The following GRM8 variants were observed in gnomAD, a reference collection of about 807,000 sequenced individuals.
GRM8 encodes metabotropic glutamate receptor 8.
GRM8 carries 47 observed loss-of-function variants against 87.2 expected under a neutral mutation model. The ratio of observed to expected loss-of-function variants is 0.54; its 90% CI spans 0.43 to 0.69. The LOEUF (loss-of-function observed/expected upper bound fraction) is 0.69. GRM8 is among the 30% of genes least tolerant of loss of function. The probability of loss-of-function intolerance (pLI) is 0.00; values close to 1 mark genes in which losing one functional copy is unlikely to be tolerated. For synonymous variants in GRM8, 396 were observed against 404.5 expected, an observed-to-expected ratio of 0.98 and a Z score of 0.25; for missense variants, 1,019 against 1,139.2, an observed-to-expected ratio of 0.89 and a Z score of 1.52.
chr7:126,458,041 T>C (rs1178748094), intron 9 of GRM8, among the ~76,000 whole-genome samples: 1 of 148,892 alleles, frequency 6.7e-6, no homozygotes, highest in East Asian at 2.0e-4. Flanking sequence ...AAATAAAGTG[T>C]ATGTTTAAAG....
chr7:126,921,518 G>A (rs543324278), intron 3 of GRM8, among the ~76,000 whole-genome samples: 1 of 152,006 alleles, frequency 6.6e-6, no homozygotes, highest in Non-Finnish European at 1.5e-5. Flanking sequence ...AAAGGAAGGG[G>A]AAGGAAGAAA....
chr7:127,230,416 A>T (rs1797611437), intron 2 of GRM8, among the ~76,000 whole-genome samples: 1 of 152,150 alleles, frequency 6.6e-6, no homozygotes, highest in African/African-American at 2.4e-5. Context: ...GTAAAAGTTC[A>T]CAGGATTCCC....
intron 8 of GRM8, among the ~76,000 whole-genome samples, chr7:126,599,437 G>A (rs1193941654): frequency 6.6e-6 from 1 of 152,076 alleles, no homozygotes; most frequent in Admixed American, 6.6e-5. Context: ...AAAGATAACA[G>A]TGCTTTAAAT....
intron 3 of GRM8, among the ~76,000 whole-genome samples, chr7:127,061,097 T>C (rs909463772): frequency 6.6e-6 from 1 of 152,192 alleles, no homozygotes; most frequent in African/African-American, 2.4e-5. Context: ...TCTGTCCCCA[T>C]AGCTTTTCTT....
At chr7:127,065,927 T>G (rs1371919537) in intron 3 of GRM8, among the ~76,000 whole-genome samples, 1 of 152,246 alleles carries the variant, frequency 6.6e-6, no homozygotes, top group Non-Finnish European at 1.5e-5. Flanking sequence ...TCTTTCTTAC[T>G]CAAAAACTGA....
intron 6 of GRM8, among the ~76,000 whole-genome samples, chr7:126,871,544 G>T (rs548936848): frequency 2.6e-5 from 4 of 152,256 alleles, no homozygotes; most frequent in Admixed American, 2.0e-4. Flanking sequence ...CAAGGCAGAA[G>T]AAAGAAGAGG....
intron 3 of GRM8, among the ~76,000 whole-genome samples, chr7:126,954,094 C>G (rs1040811470): frequency 6.6e-6 from 1 of 152,112 alleles, no homozygotes; most frequent in Admixed American, 6.6e-5. Flanking sequence ...CTTTCTTCTT[C>G]CCTGCCTCTA....
rs372837934 is a variant in GRM8 at position 126,714,043 on chromosome 7, G to A, written c.1357+55822C>T. Reference sequence around the variant, plus strand: ...TCCCAGCACTTTGGGAGGTCGAGGCGGGCGGATCACTTGAGGTAAGGAGTC... The same window carrying A: ...TCCCAGCACTTTGGGAGGTCGAGGCAGGCGGATCACTTGAGGTAAGGAGTC... On this transcript the variant is annotated intron_variant, in intron 7 of 10. Transcript: ENST00000339582. 8.6e-5 allele frequency among the ~76,000 whole-genome samples: 13 copies of A among 151,266 alleles called. No homozygotes were observed. In the East Asian group the frequency reaches 1.2e-3, roughly 14 times the overall value.
intron 6 of GRM8, among the ~76,000 whole-genome samples, chr7:126,880,394 C>G (rs1198565611): frequency 6.6e-6 from 1 of 152,172 alleles, no homozygotes; most frequent in East Asian, 1.9e-4. Flanking sequence ...GGAGTCTGAT[C>G]ATCTGGAAAC....
chr7:126,833,586 T>C (rs1489800898), intron 6 of GRM8, among the ~76,000 whole-genome samples: 2 of 152,202 alleles, frequency 1.3e-5, no homozygotes, highest in Admixed American at 1.3e-4. Context: ...TCTTGCTTTA[T>C]CACATGAGAG....
At chr7:126,652,025 G>A (rs1053894291) in intron 7 of GRM8, among the ~76,000 whole-genome samples, 26 of 152,208 alleles carry the variant, frequency 1.7e-4, no homozygotes, top group Admixed American at 1.5e-3. Context: ...TACCAGCTAC[G>A]ACCATGTGAC....
intron 6 of GRM8, among the ~76,000 whole-genome samples, chr7:126,884,263 T>C (rs1330142172): frequency 1.3e-5 from 2 of 151,982 alleles, no homozygotes; most frequent in African/African-American, 4.8e-5. Context: ...AACCGAGAAC[T>C]AAATGTCATT....
At chr7:126,498,542 G>A (rs1809127127) in intron 9 of GRM8, among the ~76,000 whole-genome samples, 1 of 151,892 alleles carries the variant, frequency 6.6e-6, no homozygotes, top group South Asian at 2.1e-4. Context: ...AACTGAAAAC[G>A]GCTCTACAGA....
At chr7:126,442,189 CCT>C (rs1801547813) in intron 10 of GRM8, among the ~76,000 whole-genome samples, 1 of 152,006 alleles carries the variant, frequency 6.6e-6, no homozygotes. Flanking sequence ...TTCCTTTCTT[CCT>C]TCCTTATTTT....
In GRM8 at chr7:126,477,575, GAAAGAGAGAAAGAAAGAAAGAA is replaced by G. The variant is rs1452337925; in HGVS notation, c.2431-31225_2431-31204del. ...AGGAGAAGTAAGAGAAAGAAAGAAA[GAAAGAGAGAAAGAAAGAAAGAA>G]AGAAAGAAAGAAAGAAAGAAAGAAA... On this transcript the variant is annotated intron_variant, in intron 9 of 10. Transcript: ENST00000339582. 1.2e-3 allele frequency among the ~76,000 whole-genome samples: 105 copies of G among 89,532 alleles called. 2 individuals are homozygous for G. Among genetic ancestry groups the G allele is most frequent in the South Asian group, 2.5e-3 (6 of 2,424 alleles). 58.7% of individuals were successfully genotyped at this position (89,532 alleles called of 152,430 possible). A position where few individuals can be genotyped will look rare whatever the true frequency, so the allele number is the denominator to read the frequency against.
At chr7:126,539,975 T>C (rs965836313) in intron 8 of GRM8, among the ~76,000 whole-genome samples, 2 of 152,040 alleles carry the variant, frequency 1.3e-5, no homozygotes, top group African/African-American at 4.8e-5. Flanking sequence ...AATAATTGTG[T>C]GGGTCAAGAG....
In GRM8 at chr7:126,753,397, TATAG is replaced by T. The variant is rs71312849; in HGVS notation, c.1357+16464_1357+16467del. Among the ~76,000 whole-genome samples the T allele has an allele frequency of 6.4e-3, 974 of 151,568 alleles. 13 individuals carry two copies. Among genetic ancestry groups the T allele is most frequent in the African/African-American group, 0.021 (885 of 41,416 alleles). On this transcript the variant is annotated intron_variant, in intron 7 of 10. Transcript: ENST00000339582. ...GCACGCACACACAGGCATATATATA[TATAG>T]ATAGATAGACACACGTATATACGTA...
chr7:127,019,882 A>G (rs986144263), intron 3 of GRM8, among the ~76,000 whole-genome samples: 1 of 151,732 alleles, frequency 6.6e-6, no homozygotes, highest in East Asian at 1.9e-4. Context: ...CAATGAGCAC[A>G]AAGGCCTATC....
At chr7:127,061,713 C>T (rs1284005627) in intron 3 of GRM8, among the ~76,000 whole-genome samples, 1 of 152,172 alleles carries the variant, frequency 6.6e-6, no homozygotes, top group Admixed American at 6.5e-5. Flanking sequence ...GCTATCGTTA[C>T]TGATGACAGG....
Sources: gnomAD v4.1 joint callset for allele counts (sites outside exome capture counted in the v4.1 genomes callset) on GRCh38, gnomAD v4.1.1 for gene constraint, MANE v1.5 for transcripts, NCBI Gene and HGNC (gene_info 2026-07-23, HGNC 2026-07-21) for gene names.